The following DENND4C variants were observed in gnomAD, a reference collection of about 807,000 sequenced individuals.
DENND4C encodes the protein DENN domain-containing protein 4C.
Under a neutral mutation model 203.0 loss-of-function variants are expected in DENND4C, and 108 were observed. The observed-to-expected ratio is 0.53, with a 90% CI of 0.46 to 0.62. The LOEUF (loss-of-function observed/expected upper bound fraction) is 0.62, where lower values mean the gene tolerates loss of function less well. DENND4C is among the 20% of genes least tolerant of loss of function. DENND4C has a pLI of 0.00. For missense variants in DENND4C, 2,481 were observed against 2,301.2 expected (o/e 1.08, Z -1.60); for synonymous variants, 871 against 792.4 (o/e 1.10, Z -1.67).
chr9:19,242,419 A>G (rs954484382), intron 1 of DENND4C, among the ~76,000 whole-genome samples: 1 of 152,226 alleles, frequency 6.6e-6, no homozygotes, highest in Non-Finnish European at 1.5e-5. Flanking sequence ...TTTTTAAATC[A>G]ATTTGGATAA....
At chr9:19,269,405 C>T (rs564235109) in intron 1 of DENND4C, among the ~76,000 whole-genome samples, 4 of 152,114 alleles carry the variant, frequency 2.6e-5, no homozygotes, top group Admixed American at 2.0e-4. Context: ...GTGATCTGCC[C>T]GTCTCGGCCT....
chr9:19,311,300 A>G (rs751124861), intron 10 of DENND4C, among the ~76,000 whole-genome samples: 2 of 151,950 alleles, frequency 1.3e-5, no homozygotes, highest in Non-Finnish European at 2.9e-5. Flanking sequence ...ATTTTTTTGT[A>G]TTTTTAGTAG....
At chr9:19,337,527 T>C (rs1202985754) in intron 20 of DENND4C, 3 of 853,626 alleles carry the variant, frequency 3.5e-6, no homozygotes, top group African/African-American at 3.7e-5. Flanking sequence ...CTCTGCTCTT[T>C]GTTGCTTTGC....
At position 19,276,265 on chromosome 9, in the gene DENND4C, C is replaced by A. The variant is rs1420314257; in HGVS notation, c.91C>A (p.Arg31Ser). 2 of 1,231,774 alleles carry A rather than the reference C, an allele frequency of 1.6e-6. No individual in the cohort carries two copies. The highest frequency in any genetic ancestry group is 2.0e-6 in the Non-Finnish European group (2 of 987,790). The allele number at this position is 1,231,774 out of a possible 1,614,324, so 76.3% of individuals were successfully genotyped here. Residue 31 changes from arginine (R) to serine (S), a missense_variant, in exon 2 of 33, where the codon CGT (arginine) becomes AGT (serine). Around this residue, in one of 3 missense-constraint regions of DENND4C, gnomAD observed 187 missense variants for 167.4 expected, o/e 1.12. Transcript: ENST00000434457. ...TSTLLDQEIN[R>S]LDTKSTGPKA... is the part of the protein sequence containing the mutation. ...TACTCTTTTGGATCAAGAAATAAAT[C>A]GTTTAGATACTAAGTCAACTGGACC...
chr9:19,336,011 C>G (rs1174144334), intron 18 of DENND4C, among the ~76,000 whole-genome samples: 1 of 151,380 alleles, frequency 6.6e-6, no homozygotes, highest in Non-Finnish European at 1.5e-5. Context: ...TTCTTTTGTC[C>G]ACATCCTTAA....
chr9:19,372,384 T>C lies in DENND4C; in HGVS notation c.*211T>C. The C allele has an allele frequency of 2.0e-6, 1 of 497,464 alleles. No homozygotes were observed. Among genetic ancestry groups the C allele is most frequent in the Non-Finnish European group, 3.2e-6 (1 of 308,900 alleles). The allele number at this position is 497,464 out of a possible 1,614,324, so 30.8% of individuals were successfully genotyped here. On this transcript the variant is annotated 3_prime_UTR_variant, in exon 33 of 33. Transcript: ENST00000434457. ...TCCCAGGGCTTATTAATATTGAAGA[T>C]TTTCAACCCCTGAACTGCTTTTCTG...
intron 26 of DENND4C, among the ~76,000 whole-genome samples, chr9:19,355,200 A>G (rs13300861): frequency 0.16 from 24,220 of 152,090 alleles, 2,998 homozygotes; most frequent in African/African-American, 0.34. Context: ...GTCAGCCACC[A>G]TGCCTGGCCA....
intron 1 of DENND4C, among the ~76,000 whole-genome samples, chr9:19,235,263 C>G (rs1194692802): frequency 6.6e-6 from 1 of 152,220 alleles, no homozygotes; most frequent in Non-Finnish European, 1.5e-5. Context: ...CCACGCCTAG[C>G]CGAAAGTCGA....
At chr9:19,345,351 A>G (rs764989558) in intron 22 of DENND4C, among the ~76,000 whole-genome samples, 9 of 152,332 alleles carry the variant, frequency 5.9e-5, no homozygotes, top group Middle Eastern at 6.8e-3. Context: ...CACCTCATAT[A>G]GTGGCTACTA....
At chr9:19,233,234 AG>A (rs1821027303) in intron 1 of DENND4C, among the ~76,000 whole-genome samples, 1 of 152,190 alleles carries the variant, frequency 6.6e-6, no homozygotes, top group Non-Finnish European at 1.5e-5. Flanking sequence ...AGGGCAGATA[AG>A]CTTTCATAAT....
chr9:19,291,968 T>A (rs1356649335), intron 5 of DENND4C, among the ~76,000 whole-genome samples: 1 of 152,068 alleles, frequency 6.6e-6, no homozygotes, highest in Non-Finnish European at 1.5e-5. Flanking sequence ...AGGTTAAAGA[T>A]GTACTCTGAA....
At chr9:19,367,038 T>A (rs945400255) in intron 30 of DENND4C, among the ~76,000 whole-genome samples, 1 of 152,230 alleles carries the variant, frequency 6.6e-6, no homozygotes, top group African/African-American at 2.4e-5. Context: ...GAGCAAAGGC[T>A]GTAAATCAGT....
At chr9:19,238,979 A>G (rs1386232552) in intron 1 of DENND4C, among the ~76,000 whole-genome samples, 1 of 151,676 alleles carries the variant, frequency 6.6e-6, no homozygotes, top group Admixed American at 6.6e-5. Flanking sequence ...TCTTTTTTTA[A>G]TGTCTAGAGG....
At chr9:19,245,700 C>CA (rs1248541752) in intron 1 of DENND4C, among the ~76,000 whole-genome samples, 4 of 151,882 alleles carry the variant, frequency 2.6e-5, no homozygotes, top group Non-Finnish European at 5.9e-5. Context: ...ACTAAAAATA[C>CA]AAAAAACTAG....
chr9:19,346,350 A>G lies in DENND4C; in HGVS notation c.3581A>G (p.Asp1194Gly). The G allele has an allele frequency of 6.2e-7, 1 of 1,614,186 alleles. No homozygotes were observed. The highest frequency in any genetic ancestry group is 8.5e-7 in the Non-Finnish European group (1 of 1,180,024). ...GAACTCCTTGAGCCTGTGGTTGATGACGTACCTAAAACTACTGCAACAGTA... is the reference window on the plus strand; with the variant it reads ...GAACTCCTTGAGCCTGTGGTTGATGGCGTACCTAAAACTACTGCAACAGTA... ...SQELLEPVVD[D>G]VPKTTATVDT... Residue 1194 changes from aspartate to glycine, a missense_variant, in exon 23 of 33, where the codon GAC becomes GGC. Physicochemically the swap from Asp to Gly is moderately conservative, Grantham distance 94. Coordinates refer to ENST00000434457, the MANE Select transcript of DENND4C (RefSeq NM_001330640.2).
At chr9:19,344,371 C>T (rs1822334871) in intron 22 of DENND4C, among the ~76,000 whole-genome samples, 1 of 152,182 alleles carries the variant, frequency 6.6e-6, no homozygotes, top group Non-Finnish European at 1.5e-5. Flanking sequence ...GTGGCTCATG[C>T]CTGTAATCCC....
chr9:19,351,323 C>T (rs1051104975), intron 24 of DENND4C, among the ~76,000 whole-genome samples: 2 of 152,098 alleles, frequency 1.3e-5, no homozygotes, highest in Non-Finnish European at 1.5e-5. Context: ...CCAAGCCTAA[C>T]GCTAAAACTT....
chr9:19,327,217 G>T (rs747789991), intron 15 of DENND4C, among the ~76,000 whole-genome samples: 1 of 152,002 alleles, frequency 6.6e-6, no homozygotes, highest in Non-Finnish European at 1.5e-5. Context: ...ATGGAAAGGC[G>T]CTATATTCTG....
intron 2 of DENND4C, among the ~76,000 whole-genome samples, chr9:19,278,591 A>G (rs1226695874): frequency 6.6e-6 from 1 of 152,102 alleles, no homozygotes; most frequent in Non-Finnish European, 1.5e-5. Context: ...GTGTGTAACA[A>G]CTCAGGCTGA....
Sources: gnomAD v4.1 joint callset for allele counts (sites outside exome capture counted in the v4.1 genomes callset) on GRCh38, gnomAD v4.1.1 for gene constraint, gnomAD v4.1.1 regional missense constraint, MANE v1.5 for transcripts, NCBI Gene and HGNC (gene_info 2026-07-23, HGNC 2026-07-21) for gene names.